LRRK2: variants seen among roughly 807,000 people sequenced by gnomAD.
LRRK2 encodes the protein leucine-rich repeat serine/threonine-protein kinase 2.
Under a neutral mutation model 302.6 loss-of-function variants are expected in LRRK2, and 203 were observed. The ratio of observed to expected loss-of-function variants is 0.67; its 90% CI spans 0.60 to 0.75. LRRK2 has a LOEUF of 0.75. LRRK2 is among the 30% of genes least tolerant of loss of function. LRRK2 has a pLI of 0.00. For missense variants in LRRK2, 2,830 were observed against 2,951.0 expected (o/e 0.96, Z 0.95); for synonymous variants, 1,066 against 1,031.9 (o/e 1.03, Z -0.63).
chr12:40,350,637 C>T (rs968868447), intron 43 of LRRK2, among the ~76,000 whole-genome samples: 1 of 152,056 alleles, frequency 6.6e-6, no homozygotes, highest in Admixed American at 6.6e-5. Context: ...GTATTCTGAT[C>T]AAAATAGTCA....
intron 12 of LRRK2, among the ~76,000 whole-genome samples, chr12:40,259,033 T>C (rs1363013406): frequency 6.6e-6 from 1 of 152,164 alleles, no homozygotes; most frequent in Non-Finnish European, 1.5e-5. Flanking sequence ...AGTCCAGTGA[T>C]GTTAATCTGG....
chr12:40,367,724 A>G lies in LRRK2; in HGVS notation c.7543A>G (p.Lys2515Glu), dbSNP rs781166868. 3.7e-6 allele frequency: 6 copies of G among 1,605,062 alleles called. No homozygotes were observed. In the East Asian group the frequency reaches 1.3e-4, roughly 36 times the overall value. The change falls in exon 51 of 51, where the codon AAA (lysine) becomes GAA (glutamate). Residue 2515 changes from lysine (K) to glutamate (E), a missense_variant. Transcript: ENST00000298910. ...TTTAGAAAAACACATTGAAGTGAGAAAAGAATTAGCTGAAAAAATGAGACG... is the reference window on the plus strand; with the variant it reads ...TTTAGAAAAACACATTGAAGTGAGAGAAGAATTAGCTGAAAAAATGAGACG... Reference protein sequence around the residue: ...QNLEKHIEVRKELAEKMRRTS... With the variant: ...QNLEKHIEVREELAEKMRRTS...
intron 18 of LRRK2, among the ~76,000 whole-genome samples, chr12:40,281,244 A>G (rs1166430952): frequency 6.6e-6 from 1 of 152,198 alleles, no homozygotes; most frequent in Non-Finnish European, 1.5e-5. Context: ...TTCTAATGTT[A>G]TTCCCATTGT....
At chr12:40,367,224 C>A in intron 50 of LRRK2, 147 bp downstream of exon 50, 2 of 677,368 alleles carry the variant, frequency 3.0e-6, no homozygotes, top group Non-Finnish European at 2.5e-6. Flanking sequence ...AGAACTTAGA[C>A]ATAAATTTTC....
chr12:40,304,447 T>C, intron 27 of LRRK2: 1 of 330,352 alleles, frequency 3.0e-6, no homozygotes, highest in Non-Finnish European at 5.5e-6. Context: ...TATCAGAACC[T>C]TTTAATCTGA....
chr12:40,287,328 G>T (rs1943966784), intron 19 of LRRK2, 23 bp from the exon 20 acceptor site: 1 of 1,582,840 alleles, frequency 6.3e-7, no homozygotes, highest in Non-Finnish European at 8.6e-7. Flanking sequence ...TTTCTAAGTT[G>T]CTGGTGTATC....
At chr12:40,282,652 C>T (rs1482210206) in intron 18 of LRRK2, among the ~76,000 whole-genome samples, 7 of 152,110 alleles carry the variant, frequency 4.6e-5, no homozygotes, top group Middle Eastern at 3.2e-3. Context: ...TTTTTAAAGA[C>T]GATGGTGACT....
intron 13 of LRRK2, among the ~76,000 whole-genome samples, chr12:40,260,426 T>C (rs1942718082): frequency 1.3e-5 from 2 of 151,146 alleles, no homozygotes; most frequent in Middle Eastern, 3.4e-3. Flanking sequence ...GCTGGCCTGG[T>C]AGAAAGGCCA....
chr12:40,248,393 T>C (rs1214183607), intron 7 of LRRK2, among the ~76,000 whole-genome samples: 2 of 152,200 alleles, frequency 1.3e-5, no homozygotes, highest in Non-Finnish European at 2.9e-5. Context: ...GCAACTGTCA[T>C]GTCATATGTA....
chr12:40,367,324 A>G (rs1946909209), intron 50 of LRRK2: 2 of 455,912 alleles, frequency 4.4e-6, no homozygotes, highest in South Asian at 3.2e-5. Flanking sequence ...ACGAAATGTG[A>G]ATATTTTTTA....
intron 38 of LRRK2, among the ~76,000 whole-genome samples, chr12:40,327,331 A>G (rs1018353091): frequency 6.6e-6 from 1 of 152,194 alleles, no homozygotes; most frequent in Admixed American, 6.5e-5. Flanking sequence ...TCTCAACCTT[A>G]CCTGCTCATT....
At chr12:40,304,268 T>C (rs1944730049) in intron 27 of LRRK2, 134 bp downstream of exon 27, 2 of 793,258 alleles carry the variant, frequency 2.5e-6, no homozygotes, top group South Asian at 1.8e-5. Flanking sequence ...TAAATTCCTG[T>C]CAACTATAAA....
intron 7 of LRRK2, among the ~76,000 whole-genome samples, chr12:40,245,145 T>G: frequency 6.6e-6 from 1 of 152,126 alleles, no homozygotes; most frequent in Non-Finnish European, 1.5e-5. Context: ...TTAAGAAATC[T>G]TAATCTGTCC....
chr12:40,271,599 A>G (rs1445760451), intron 14 of LRRK2, among the ~76,000 whole-genome samples: 1 of 152,178 alleles, frequency 6.6e-6, no homozygotes, highest in Non-Finnish European at 1.5e-5. Flanking sequence ...TTGAGCACCA[A>G]TGCAATACAT....
At chr12:40,294,426 G>A (rs1409653899) in intron 21 of LRRK2, among the ~76,000 whole-genome samples, 2 of 151,954 alleles carry the variant, frequency 1.3e-5, no homozygotes, top group East Asian at 1.9e-4. Flanking sequence ...AAATATGAGG[G>A]TTGTTTTGTG....
intron 3 of LRRK2, 35 bp from the exon 4 acceptor site, chr12:40,235,591 T>G: frequency 7.1e-7 from 1 of 1,407,748 alleles, no homozygotes; most frequent in Non-Finnish European, 1.0e-6. Context: ...AGTATGATAT[T>G]TCATTCTTAT....
chr12:40,359,140 A>G (rs1441109796), intron 46 of LRRK2, 120 bp from the exon 47 acceptor site: 3 of 855,292 alleles, frequency 3.5e-6, no homozygotes, highest in Non-Finnish European at 5.4e-6. Context: ...TTTGAGTTTT[A>G]ATTTTAATAT....
At chr12:40,276,774 G>T (rs548827708) in intron 16 of LRRK2, among the ~76,000 whole-genome samples, 1 of 152,208 alleles carries the variant, frequency 6.6e-6, no homozygotes, top group African/African-American at 2.4e-5. Context: ...ATTAGTATTC[G>T]TAGATACTCA....
intron 14 of LRRK2, among the ~76,000 whole-genome samples, chr12:40,267,124 A>C (rs1204059822): frequency 1.3e-5 from 2 of 152,200 alleles, no homozygotes; most frequent in Non-Finnish European, 2.9e-5. Flanking sequence ...CCTAAAACTT[A>C]AAGTATAATT....
Sources: gnomAD v4.1 joint callset for allele counts (sites outside exome capture counted in the v4.1 genomes callset) on GRCh38, gnomAD v4.1.1 for gene constraint, MANE v1.5 for transcripts, NCBI Gene and HGNC (gene_info 2026-07-23, HGNC 2026-07-21) for gene names.